The following CFAP299 variants were observed in gnomAD, a reference collection of about 807,000 sequenced individuals.
CFAP299 encodes cilia- and flagella-associated protein 299.
Under a neutral mutation model 27.0 loss-of-function variants are expected in CFAP299, and 21 were observed. The ratio of observed to expected loss-of-function variants is 0.78; its 90% confidence interval spans 0.55 to 1.12. The LOEUF is 1.12. Ranked by LOEUF, CFAP299 falls within the 50% of genes most tolerant of loss-of-function variation. The probability of loss-of-function intolerance (pLI) is 0.00; values close to 1 mark genes in which losing one functional copy is unlikely to be tolerated. For synonymous variants in CFAP299, 104 were observed against 98.1 expected, an observed-to-expected ratio of 1.06 and a Z score of -0.36; for missense variants, 310 against 276.6, an observed-to-expected ratio of 1.12 and a Z score of -0.86.
chr4:80,824,922 A>T (rs1729902085), intron 3 of CFAP299, among the ~76,000 whole-genome samples: 1 of 152,068 alleles, frequency 6.6e-6, no homozygotes, highest in Admixed American at 6.6e-5. Context: ...AAATTTCTCC[A>T]GAAAGAGTGA....
Position 80,364,089 on chromosome 4 carries a change from A to AACACACAC in CFAP299, c.242+1227_242+1234dup, listed in dbSNP as rs56300395. ...GCAACAGAGCGAGACTCCGTCTCAA[A>AACACACAC]ACACACACACACACACACACACACA... On this transcript the variant is annotated intron_variant, in intron 2 of 5. Coordinates refer to ENST00000358105, the MANE Select transcript of CFAP299 (RefSeq NM_152770.3). Among the ~76,000 whole-genome samples, 59 of 110,880 alleles carry AACACACAC rather than the reference A, an allele frequency of 5.3e-4. 1 individual carries two copies. The highest frequency in any genetic ancestry group is 8.1e-4 in the South Asian group (2 of 2,460). 72.7% of individuals were successfully genotyped at this position (110,880 alleles called of 152,430 possible).
At chr4:80,390,779 A>G (rs1437338933) in intron 2 of CFAP299, among the ~76,000 whole-genome samples, 1 of 142,330 alleles carries the variant, frequency 7.0e-6, no homozygotes, top group Non-Finnish European at 1.5e-5. Flanking sequence ...GTATATATAC[A>G]TATACACATA....
intron 1 of CFAP299, among the ~76,000 whole-genome samples, chr4:80,352,809 AAAT>A (rs1213190286): frequency 6.6e-6 from 1 of 152,152 alleles, no homozygotes; most frequent in Non-Finnish European, 1.5e-5. Flanking sequence ...ACATAGTTCT[AAAT>A]AACGCAATGT....
chr4:80,681,878 A>C (rs532319789), intron 3 of CFAP299, among the ~76,000 whole-genome samples: 1 of 152,288 alleles, frequency 6.6e-6, no homozygotes, highest in East Asian at 1.9e-4. Context: ...CATAAATCAA[A>C]GGCAGCCCTT....
intron 4 of CFAP299, among the ~76,000 whole-genome samples, chr4:80,937,312 CTTTTT>C (rs70956081): frequency 5.8e-5 from 4 of 68,686 alleles, no homozygotes; most frequent in African/African-American, 2.0e-4. Flanking sequence ...TTTTTTCTTT[CTTTTT>C]TTTTTTTTTT....
intron 3 of CFAP299, among the ~76,000 whole-genome samples, chr4:80,804,991 G>A (rs538586841): frequency 8.3e-4 from 126 of 151,830 alleles, no homozygotes; most frequent in Non-Finnish European, 1.5e-3. Context: ...TTTTTGGAGT[G>A]AATCATTTAA....
At chr4:80,706,075 A>G (rs1204066033) in intron 3 of CFAP299, among the ~76,000 whole-genome samples, 1 of 151,872 alleles carries the variant, frequency 6.6e-6, no homozygotes, top group Admixed American at 6.6e-5. Flanking sequence ...GTTGAAGTGC[A>G]TATGTTAAGG....
intron 2 of CFAP299, chr4:80,386,936 G>A: frequency 1.2e-6 from 1 of 863,130 alleles, no homozygotes; most frequent in Non-Finnish European, 2.0e-6. Context: ...CGCGCAGTTT[G>A]AGGTAATGCA....
chr4:80,502,864 CT>C (rs1219238954), intron 2 of CFAP299, among the ~76,000 whole-genome samples: 1 of 152,088 alleles, frequency 6.6e-6, no homozygotes, highest in African/African-American at 2.4e-5. Context: ...TCTCAGGACT[CT>C]GGTTTACCCA....
intron 4 of CFAP299, among the ~76,000 whole-genome samples, chr4:80,880,965 G>A (rs1418668894): frequency 2.0e-5 from 3 of 151,976 alleles, no homozygotes; most frequent in Admixed American, 1.3e-4. Context: ...TTTTGGCCTC[G>A]TACTGAGCAC....
intron 5 of CFAP299, among the ~76,000 whole-genome samples, chr4:80,950,550 G>C (rs972710394): frequency 6.6e-6 from 1 of 152,086 alleles, no homozygotes; most frequent in African/African-American, 2.4e-5. Flanking sequence ...GAGGACATGA[G>C]GACTGGAGAG....
At chr4:80,897,095 G>A (rs980303813) in intron 4 of CFAP299, among the ~76,000 whole-genome samples, 1 of 152,056 alleles carries the variant, frequency 6.6e-6, no homozygotes, top group East Asian at 1.9e-4. Context: ...ACAGTGAGAA[G>A]CTGCTACCTA....
chr4:80,841,639 A>T (rs1388960995), intron 3 of CFAP299, among the ~76,000 whole-genome samples: 1 of 152,142 alleles, frequency 6.6e-6, no homozygotes, highest in Non-Finnish European at 1.5e-5. Context: ...CCAGATAACT[A>T]AAACCTGTGT....
chr4:80,488,699 A>G (rs2110135509), intron 2 of CFAP299, among the ~76,000 whole-genome samples: 1 of 152,116 alleles, frequency 6.6e-6, no homozygotes, highest in East Asian at 1.9e-4. Flanking sequence ...GATGGTCTCG[A>G]TCTCCTGACC....
intron 2 of CFAP299, among the ~76,000 whole-genome samples, chr4:80,509,619 G>A (rs1732197991): frequency 6.6e-6 from 1 of 152,056 alleles, no homozygotes; most frequent in Non-Finnish European, 1.5e-5. Context: ...CTAGAAACAG[G>A]ATTTATCAGA....
intron 3 of CFAP299, among the ~76,000 whole-genome samples, chr4:80,654,165 A>G (rs980295591): frequency 1.3e-5 from 2 of 152,150 alleles, no homozygotes; most frequent in African/African-American, 2.4e-5. Flanking sequence ...AATATGATCA[A>G]TAGTAGCAAT....
At chr4:80,749,505 A>T (rs531104548) in intron 3 of CFAP299, among the ~76,000 whole-genome samples, 1 of 152,328 alleles carries the variant, frequency 6.6e-6, no homozygotes, top group South Asian at 2.1e-4. Flanking sequence ...ACAATAGGCC[A>T]TCTGCAAGTT....
chr4:80,680,626 G>GA (rs1719776963), intron 3 of CFAP299, among the ~76,000 whole-genome samples: 1 of 151,862 alleles, frequency 6.6e-6, no homozygotes, highest in South Asian at 2.1e-4. Flanking sequence ...AAAGACTGAA[G>GA]AAAAAAAGAG....
rs529529845 is a variant in CFAP299, at chr4:80,811,444, T to C, written c.334-58549T>C. On this transcript the variant is annotated intron_variant, in intron 3 of 5. Coordinates refer to ENST00000358105, the MANE Select transcript of CFAP299 (RefSeq NM_152770.3). Reference sequence around the variant, plus strand: ...ATGTATCCCGAATTTGCCATCTAGTTAATATGATGGGTGTATTGGTGACTG... The same window carrying C: ...ATGTATCCCGAATTTGCCATCTAGTCAATATGATGGGTGTATTGGTGACTG... Among the ~76,000 whole-genome samples, 3 of 152,280 alleles carry C rather than the reference T, an allele frequency of 2.0e-5. No individual in the cohort carries two copies. In the East Asian group the frequency reaches 5.8e-4, roughly 29 times the overall value.
Sources: allele counts gnomAD v4.1 joint callset (sites outside exome capture counted in the v4.1 genomes callset), GRCh38; gene constraint gnomAD v4.1.1; transcripts MANE v1.5; gene names NCBI Gene and HGNC (gene_info 2026-07-23, HGNC 2026-07-21).